LRRC7: variants seen among roughly 807,000 people sequenced by gnomAD.
The protein encoded by LRRC7 is leucine rich repeat containing 7, also known as leucine-rich repeat-containing protein 7.
Under a neutral mutation model 175.7 loss-of-function variants are expected in LRRC7, and 23 were observed. That is an observed-to-expected ratio of 0.13 (90% CI 0.09 to 0.19). The LOEUF is 0.19. Among genes scored for constraint, LRRC7 ranks in the 10% least tolerant of loss-of-function variants. The pLI, the probability that LRRC7 is intolerant of heterozygous loss-of-function variation, is 1.00. For missense variants in LRRC7, 1,354 were observed against 1,904.7 expected (o/e 0.71, Z 5.38); for synonymous variants, 685 against 680.9 (o/e 1.01, Z -0.09).
chr1:69,606,424 T>A lies in LRRC7; in HGVS notation c.2+37783T>A, dbSNP rs555201299. Among the ~76,000 whole-genome samples the A allele has an allele frequency of 7.9e-5, 12 of 152,218 alleles. No individual in the cohort carries two copies. The South Asian group carries it at 2.3e-3, about 29-fold the overall frequency. ...CTCAAATATCATAATAAAGAGTTTT[T>A]AAAAATCTCCTATCTTCAAAAATCA... On this transcript the variant is annotated intron_variant, in intron 1 of 26. Transcript: ENST00000651989.
chr1:69,762,746 G>A (rs992516720), intron 3 of LRRC7, among the ~76,000 whole-genome samples: 2 of 151,978 alleles, frequency 1.3e-5, no homozygotes, highest in Non-Finnish European at 1.5e-5. Flanking sequence ...GAAATTTTAA[G>A]ATATTTTGTC....
chr1:69,863,639 C>T (rs1684601797), intron 7 of LRRC7, among the ~76,000 whole-genome samples: 1 of 152,198 alleles, frequency 6.6e-6, no homozygotes, highest in Admixed American at 6.5e-5. Flanking sequence ...GAGAGACAGA[C>T]ATTAACAGAA....
intron 3 of LRRC7, among the ~76,000 whole-genome samples, chr1:69,777,729 T>C (rs1672973933): frequency 6.6e-6 from 1 of 152,178 alleles, no homozygotes; most frequent in Non-Finnish European, 1.5e-5. Flanking sequence ...TTTTGTTACC[T>C]AAATATGCCT....
intron 8 of LRRC7, among the ~76,000 whole-genome samples, chr1:69,937,299 C>A (rs1648144977): frequency 6.6e-6 from 1 of 151,806 alleles, no homozygotes; most frequent in Non-Finnish European, 1.5e-5. Context: ...TTACCATTAG[C>A]TTTGTATAGA....
chr1:69,907,692 T>C (rs572745429), intron 7 of LRRC7, among the ~76,000 whole-genome samples: 4 of 152,334 alleles, frequency 2.6e-5, no homozygotes, highest in East Asian at 1.9e-4. Context: ...TTTCCATCAA[T>C]GTTCATCAAG....
At chr1:69,672,556 A>C (rs1163137463) in intron 1 of LRRC7, among the ~76,000 whole-genome samples, 1 of 152,226 alleles carries the variant, frequency 6.6e-6, no homozygotes, top group African/African-American at 2.4e-5. Flanking sequence ...TAATGTACAT[A>C]TAAAGAACCT....
chr1:69,587,205 T>C (rs1011345486), intron 1 of LRRC7, among the ~76,000 whole-genome samples: 7 of 152,122 alleles, frequency 4.6e-5, no homozygotes, highest in Non-Finnish European at 8.8e-5. Context: ...ACTTAAAATA[T>C]TCTACTTCTT....
intron 2 of LRRC7, among the ~76,000 whole-genome samples, chr1:69,719,159 C>G (rs12724793): frequency 0.44 from 66,525 of 151,398 alleles, 14,864 homozygotes; most frequent in Admixed American, 0.5. Flanking sequence ...GTTATTCTTG[C>G]GTAATCCCAT....
intron 1 of LRRC7, among the ~76,000 whole-genome samples, chr1:69,641,979 A>C (rs1330294119): frequency 6.6e-6 from 1 of 151,892 alleles, no homozygotes; most frequent in East Asian, 1.9e-4. Flanking sequence ...TAGCTGTTAG[A>C]GCTTCATGGT....
chr1:69,711,823 T>C (rs1664781934), intron 2 of LRRC7, among the ~76,000 whole-genome samples: 2 of 152,168 alleles, frequency 1.3e-5, no homozygotes, highest in African/African-American at 4.8e-5. Flanking sequence ...CCTAAGGACT[T>C]TTAACCGTAC....
At chr1:69,810,727 A>G (rs1677739360) in intron 4 of LRRC7, among the ~76,000 whole-genome samples, 3 of 152,224 alleles carry the variant, frequency 2.0e-5, no homozygotes, top group Admixed American at 6.5e-5. Context: ...CATATGCAGA[A>G]AACTGAAATT....
At chr1:69,864,941 G>A (rs1684747432) in intron 7 of LRRC7, among the ~76,000 whole-genome samples, 1 of 152,152 alleles carries the variant, frequency 6.6e-6, no homozygotes, top group Non-Finnish European at 1.5e-5. Context: ...TTCTAGGGAA[G>A]AGGAGCATAA....
intron 7 of LRRC7, among the ~76,000 whole-genome samples, chr1:69,912,491 C>A (rs1253948949): frequency 6.6e-6 from 1 of 152,044 alleles, no homozygotes; most frequent in African/African-American, 2.4e-5. Context: ...TTCTCATAAC[C>A]TTTTGATTGG....
intron 1 of LRRC7, among the ~76,000 whole-genome samples, chr1:69,572,685 T>C (rs958289665): frequency 1.3e-5 from 2 of 152,158 alleles, no homozygotes; most frequent in African/African-American, 4.8e-5. Flanking sequence ...AGAAGTAATA[T>C]GCAATCTTAG....
intron 2 of LRRC7, among the ~76,000 whole-genome samples, chr1:69,757,813 T>C (rs1670598633): frequency 6.6e-6 from 1 of 151,904 alleles, no homozygotes; most frequent in African/African-American, 2.4e-5. Context: ...CAAATGGGTG[T>C]GTGCCGTGGA....
intron 24 of LRRC7, among the ~76,000 whole-genome samples, chr1:70,086,713 T>C (rs1197324327): frequency 6.6e-6 from 1 of 152,096 alleles, no homozygotes; most frequent in East Asian, 1.9e-4. Context: ...CACTCCAGCC[T>C]GAGAAACAGC....
At chr1:70,115,139 G>A (rs986361463) in intron 26 of LRRC7, among the ~76,000 whole-genome samples, 6 of 152,182 alleles carry the variant, frequency 3.9e-5, no homozygotes, top group African/African-American at 1.2e-4. Context: ...TATTCAGGAA[G>A]GTAAAGAAAG....
rs188410091 is a variant in LRRC7, at chr1:69,818,612, A to G, written c.422-7136A>G. Among the ~76,000 whole-genome samples the G allele has an allele frequency of 9.2e-5, 14 of 152,138 alleles. No individual in the cohort carries two copies. The East Asian group carries it at 2.7e-3, about 29-fold the overall frequency. The stretch of plus-strand genomic sequence containing the variant: ...TCTTGTCTGGGTTTGGTGTCAAGGT[A>G]ATGCTAGTCTTCGAAATTGGATTTG... On this transcript the variant is annotated intron_variant, in intron 4 of 26. Transcript: ENST00000651989.
intron 2 of LRRC7, among the ~76,000 whole-genome samples, chr1:69,704,789 C>A (rs913110101): frequency 6.6e-6 from 1 of 151,900 alleles, no homozygotes; most frequent in Non-Finnish European, 1.5e-5. Flanking sequence ...GGACTAGAAC[C>A]ACTCTTGTAA....
Sources: gnomAD v4.1 joint callset for allele counts (sites outside exome capture counted in the v4.1 genomes callset) on GRCh38, gnomAD v4.1.1 for gene constraint, MANE v1.5 for transcripts, NCBI Gene and HGNC (gene_info 2026-07-23, HGNC 2026-07-21) for gene names.